The following RYR3 variants were observed in gnomAD, a reference collection of about 807,000 sequenced individuals.
The protein encoded by RYR3 is ryanodine receptor 3.
RYR3 carries 207 observed loss-of-function variants against 584.3 expected under a neutral mutation model. The observed-to-expected ratio is 0.35, with a 90% CI of 0.32 to 0.40. RYR3 has a LOEUF of 0.40. Among genes scored for constraint, RYR3 ranks in the 10% least tolerant of loss-of-function variants. The pLI, the probability that RYR3 is intolerant of heterozygous loss-of-function variation, is 1.00. For missense variants in RYR3, 5,616 were observed against 6,089.2 expected (o/e 0.92, Z 2.59); for synonymous variants, 2,416 against 2,248.5 (o/e 1.07, Z -2.11).
At chr15:33,832,195 G>A (rs896491781) in intron 86 of RYR3, among the ~76,000 whole-genome samples, 3 of 151,922 alleles carry the variant, frequency 2.0e-5, no homozygotes, top group Non-Finnish European at 4.4e-5. Context: ...TCGGGAGCCT[G>A]AGGCAGGAGA....
At chr15:33,746,285 C>T in intron 53 of RYR3, 128 bp downstream of exon 53, 2 of 722,256 alleles carry the variant, frequency 2.8e-6, no homozygotes, top group Non-Finnish European at 2.4e-6. Context: ...ACTCAGTAAA[C>T]TGTTCACAAG....
chr15:33,535,173 A>G (rs1467178508), intron 5 of RYR3, among the ~76,000 whole-genome samples: 2 of 152,236 alleles, frequency 1.3e-5, no homozygotes, highest in Non-Finnish European at 2.9e-5. Context: ...CCAAAGAAAG[A>G]CAAGAGCCTA....
chr15:33,785,303 C>T (rs1384505523), intron 65 of RYR3, among the ~76,000 whole-genome samples: 1 of 152,172 alleles, frequency 6.6e-6, no homozygotes, highest in Non-Finnish European at 1.5e-5. Flanking sequence ...GATTTTCCTG[C>T]AGGGGACACA....
intron 37 of RYR3, 90 bp from the exon 38 acceptor site, chr15:33,670,329 G>C: frequency 7.4e-7 from 1 of 1,342,484 alleles, no homozygotes; most frequent in Non-Finnish European, 1.0e-6. Context: ...GTTCCAGAAG[G>C]ATGGGAAGCA....
chr15:33,376,998 G>C (rs1291521868), intron 1 of RYR3, among the ~76,000 whole-genome samples: 1 of 152,106 alleles, frequency 6.6e-6, no homozygotes, highest in Non-Finnish European at 1.5e-5. Flanking sequence ...CCTTATATGA[G>C]GCAATGTTTT....
chr15:33,838,789 G>A lies in RYR3; in HGVS notation c.12809G>A (p.Gly4270Glu), dbSNP rs371703096. ...ITTELVHFIK[G>E]EKGDTDIMSD... is the part of the protein sequence containing the mutation. ...ACTGAACTAGTACACTTCATAAAGG[G>A]GGAGAAGGGAGATACAGATATCATG... is the stretch of plus-strand genomic sequence containing the variant. The change falls in exon 89 of 104, where the codon GGG (glycine) becomes GAG (glutamate). Residue 4270 changes from glycine (G) to glutamate (E), a missense_variant. Transcript: ENST00000634891. 5 of 1,613,896 alleles carry A rather than the reference G, an allele frequency of 3.1e-6. No homozygotes were observed. The highest frequency in any genetic ancestry group is 3.4e-6 in the Non-Finnish European group (4 of 1,179,874).
At chr15:33,619,823 G>A (rs1025147820) in intron 19 of RYR3, among the ~76,000 whole-genome samples, 1 of 152,150 alleles carries the variant, frequency 6.6e-6, no homozygotes, top group Admixed American at 6.5e-5. Context: ...CTGGAGAATA[G>A]GCATGTCTGA....
At chr15:33,803,346 C>T (rs1323482423) in intron 69 of RYR3, among the ~76,000 whole-genome samples, 3 of 152,182 alleles carry the variant, frequency 2.0e-5, no homozygotes, top group Admixed American at 6.5e-5. Context: ...TTGGTAAACA[C>T]ATCTACTGTC....
At chr15:33,425,189 A>C (rs2141653559) in intron 1 of RYR3, among the ~76,000 whole-genome samples, 1 of 152,338 alleles carries the variant, frequency 6.6e-6, no homozygotes, top group East Asian at 1.9e-4. Context: ...AGTTGGTGTA[A>C]GTCACTTTAA....
intron 10 of RYR3, among the ~76,000 whole-genome samples, chr15:33,561,398 T>C (rs1371926290): frequency 6.6e-6 from 1 of 152,008 alleles, no homozygotes; most frequent in Non-Finnish European, 1.5e-5. Flanking sequence ...AGGAGAAGAG[T>C]GCAGACTCTG....
At chr15:33,398,498 A>G (rs2042432221) in intron 1 of RYR3, among the ~76,000 whole-genome samples, 1 of 152,230 alleles carries the variant, frequency 6.6e-6, no homozygotes, top group African/African-American at 2.4e-5. Context: ...GAATTTTGGC[A>G]GTATTAAAAT....
intron 32 of RYR3, among the ~76,000 whole-genome samples, chr15:33,656,338 T>C (rs530739380): frequency 6.6e-6 from 1 of 152,310 alleles, no homozygotes; most frequent in Non-Finnish European, 1.5e-5. Context: ...AAGTTCCTCA[T>C]TTAGAAGGTA....
At chr15:33,804,934 G>A (rs1187511406) in intron 69 of RYR3, among the ~76,000 whole-genome samples, 1 of 152,184 alleles carries the variant, frequency 6.6e-6, no homozygotes, top group Non-Finnish European at 1.5e-5. Flanking sequence ...CGTTGCGAAT[G>A]GAAAGGAAGT....
chr15:33,644,812 A>G (rs2062009428), intron 28 of RYR3, among the ~76,000 whole-genome samples: 2 of 152,182 alleles, frequency 1.3e-5, no homozygotes, highest in South Asian at 2.1e-4. Flanking sequence ...TCATAGTAAT[A>G]TAGTATTCGG....
chr15:33,424,032 T>G (rs1277023380), intron 1 of RYR3, among the ~76,000 whole-genome samples: 3 of 152,198 alleles, frequency 2.0e-5, no homozygotes, highest in Non-Finnish European at 2.9e-5. Context: ...CAGATGTCCC[T>G]AGTCTCTGGG....
chr15:33,756,317 A>T lies in RYR3; in HGVS notation c.8527A>T (p.Ser2843Cys), dbSNP rs1302462722. ...CTGTGTCTTCGTAGAAGCCATTGTC[A>T]GCAGTGGGAAAACTGAAAAGTCTCC... ...EFIAHLEAIV[S>C]SGKTEKSPRD... The change falls in exon 59 of 104, where the codon AGC becomes TGC. Residue 2843 changes from serine to cysteine, a missense_variant. This residue lies in a region of RYR3 where 1,280 missense variants were observed against 1,426.2 expected (regional missense o/e 0.90). Coordinates refer to ENST00000634891, the MANE Select transcript of RYR3 (RefSeq NM_001036.6). The T allele has an allele frequency of 2.5e-6, 4 of 1,578,644 alleles. No individual in the cohort carries two copies. The highest frequency in any genetic ancestry group is 3.4e-6 in the Non-Finnish European group (4 of 1,161,174).
intron 2 of RYR3, among the ~76,000 whole-genome samples, chr15:33,492,078 T>G (rs996426799): frequency 6.6e-6 from 1 of 152,216 alleles, no homozygotes; most frequent in South Asian, 2.1e-4. Context: ...ATTCAAAAAC[T>G]GATAAGTGAA....
rs139057475 is a variant in RYR3 at position 33,457,267 on chromosome 15, C to G, written c.52-16152C>G. 2.7e-3 allele frequency among the ~76,000 whole-genome samples: 416 copies of G among 152,260 alleles called. 2 individuals carry two copies. Among genetic ancestry groups the G allele is most frequent in the African/African-American group, 9.5e-3 (394 of 41,558 alleles). On this transcript the variant is annotated intron_variant, in intron 1 of 103. Transcript: ENST00000634891. ...TGTGGGGAGAGAGACCTTGATTCTT[C>G]TTGAAATCGGTATGTCAAAGAGATA...
intron 77 of RYR3, 30 bp downstream of exon 77, chr15:33,819,837 T>C: frequency 6.6e-7 from 1 of 1,520,500 alleles, no homozygotes; most frequent in Non-Finnish European, 9.0e-7. Context: ...CCATTGTCTC[T>C]GTCTTTCTGT....
Sources: allele counts gnomAD v4.1 joint callset (sites outside exome capture counted in the v4.1 genomes callset), GRCh38; gene constraint gnomAD v4.1.1; regional missense constraint gnomAD v4.1.1; transcripts MANE v1.5; gene names NCBI Gene and HGNC (gene_info 2026-07-23, HGNC 2026-07-21).